KCNT2: variants seen among roughly 807,000 people sequenced by gnomAD.
KCNT2 encodes potassium sodium-activated channel subfamily T member 2, also known as potassium channel subfamily T member 2.
In KCNT2, 67 loss-of-function variants were observed where a neutral mutation model predicts 153.8. The observed-to-expected ratio is 0.44, with a 90% CI of 0.36 to 0.53. The LOEUF is 0.53. Among genes scored for constraint, KCNT2 ranks in the 20% least tolerant of loss-of-function variants. The pLI is 0.00. For synonymous variants in KCNT2, 500 were observed against 458.8 expected, an observed-to-expected ratio of 1.09 and a Z score of -1.15; for missense variants, 975 against 1,354.8, an observed-to-expected ratio of 0.72 and a Z score of 4.40.
chr1:196,375,916 T>C (rs981584748), intron 13 of KCNT2, among the ~76,000 whole-genome samples: 15 of 152,020 alleles, frequency 9.9e-5, no homozygotes, highest in African/African-American at 3.6e-4. Flanking sequence ...AAAGATATGA[T>C]ATAATATTCA....
intron 1 of KCNT2, among the ~76,000 whole-genome samples, chr1:196,601,518 A>T (rs1016849330): frequency 1.3e-5 from 2 of 152,198 alleles, no homozygotes; most frequent in Admixed American, 1.3e-4. Flanking sequence ...CAATGCTATT[A>T]AGGGTTTCTG....
intron 19 of KCNT2, among the ~76,000 whole-genome samples, chr1:196,326,186 A>G (rs920487934): frequency 6.6e-6 from 1 of 152,112 alleles, no homozygotes; most frequent in Non-Finnish European, 1.5e-5. Flanking sequence ...AAGTAAACCA[A>G]TCCAATATTT....
chr1:196,244,212 G>A (rs1655218425), intron 26 of KCNT2, among the ~76,000 whole-genome samples: 2 of 152,028 alleles, frequency 1.3e-5, no homozygotes, highest in African/African-American at 4.8e-5. Context: ...TACTTGCTGT[G>A]GGCCTTAAGT....
chr1:196,254,148 A>G (rs1235472742), intron 26 of KCNT2, among the ~76,000 whole-genome samples: 2 of 151,424 alleles, frequency 1.3e-5, no homozygotes, highest in East Asian at 1.9e-4. Context: ...TGAATGCTTT[A>G]TTGATTTATC....
intron 5 of KCNT2, among the ~76,000 whole-genome samples, chr1:196,476,928 C>G (rs947698917): frequency 2.0e-5 from 3 of 152,174 alleles, no homozygotes; most frequent in African/African-American, 7.2e-5. Flanking sequence ...AGGCAAATAG[C>G]AAATGACCTC....
At chr1:196,281,749 A>G (rs1440051589) in intron 24 of KCNT2, among the ~76,000 whole-genome samples, 1 of 151,738 alleles carries the variant, frequency 6.6e-6, no homozygotes, top group African/African-American at 2.4e-5. Flanking sequence ...ACAAAAAAAA[A>G]TTCATTCAAC....
At position 196,425,975 on chromosome 1, in the gene KCNT2, A is replaced by T. The variant is rs1343962288; in HGVS notation, c.998T>A (p.Val333Glu). The stretch of plus-strand genomic sequence containing the variant: ...ATCCATTTCAGTAGGACACAAAATC[A>T]CCACATAATAATCCTATTCAAAACA... The part of the protein sequence containing the change: ...AHPRLQDYYV[V>E]ILCPTEMDVQ... Residue 333 changes from valine to glutamate, a missense_variant, in exon 11 of 28, where the codon GTG (valine) becomes GAG (glutamate). Val to Glu is a moderately radical substitution (Grantham distance 121). Coordinates refer to ENST00000294725, the MANE Select transcript of KCNT2 (RefSeq NM_198503.5). 6.2e-7 allele frequency: 1 copy of T among 1,612,018 alleles called. No homozygotes were observed. The highest frequency in any genetic ancestry group is 8.5e-7 in the Non-Finnish European group (1 of 1,178,676).
At chr1:196,331,300 T>C in intron 17 of KCNT2, 39 bp from the exon 18 acceptor site, 2 of 1,044,664 alleles carry the variant, frequency 1.9e-6, no homozygotes, top group South Asian at 1.3e-5. Context: ...GGATAAGGCA[T>C]GCAAATTTGA....
chr1:196,228,136 A>G lies in KCNT2; in HGVS notation c.*88T>C. 1.4e-6 allele frequency: 1 copy of G among 693,732 alleles called. No individual in the cohort carries two copies. The highest frequency in any genetic ancestry group is 1.7e-5 in the South Asian group (1 of 57,304). The allele number at this position is 693,732 out of a possible 1,614,324, so 43.0% of individuals were successfully genotyped here. On this transcript the variant is annotated 3_prime_UTR_variant, in exon 28 of 28. Transcript: ENST00000294725. ...TTTTAAATATGAGAGAATTACATATATTTCCATCTAGTTTCTTTCGTGCCA... is the reference window on the plus strand; with the variant it reads ...TTTTAAATATGAGAGAATTACATATGTTTCCATCTAGTTTCTTTCGTGCCA...
At chr1:196,601,799 T>G (rs1004031404) in intron 1 of KCNT2, among the ~76,000 whole-genome samples, 1 of 152,338 alleles carries the variant, frequency 6.6e-6, no homozygotes, top group East Asian at 1.9e-4. Flanking sequence ...TGCATTTTTA[T>G]TCCTAAATAT....
chr1:196,446,224 G>A (rs1008944885), intron 8 of KCNT2, among the ~76,000 whole-genome samples: 1 of 151,216 alleles, frequency 6.6e-6, no homozygotes, highest in Non-Finnish European at 1.5e-5. Flanking sequence ...TTAAGCAAAA[G>A]ATAGATTTCT....
chr1:196,518,035 A>G (rs1411395268), intron 1 of KCNT2, among the ~76,000 whole-genome samples: 1 of 152,226 alleles, frequency 6.6e-6, no homozygotes, highest in Non-Finnish European at 1.5e-5. Context: ...TCACATACAT[A>G]GGAAACCCCA....
chr1:196,416,981 A>T (rs1459303728), intron 12 of KCNT2, among the ~76,000 whole-genome samples: 2 of 152,012 alleles, frequency 1.3e-5, no homozygotes, highest in Non-Finnish European at 2.9e-5. Flanking sequence ...CCATTAGTTC[A>T]ATTGCTTTGA....
chr1:196,575,226 G>C (rs1661215362), intron 1 of KCNT2, among the ~76,000 whole-genome samples: 1 of 152,002 alleles, frequency 6.6e-6, no homozygotes, highest in South Asian at 2.1e-4. Context: ...CACAATTATT[G>C]AACACTCTCT....
intron 8 of KCNT2, among the ~76,000 whole-genome samples, chr1:196,445,899 T>C (rs1388687002): frequency 6.7e-6 from 1 of 149,670 alleles, no homozygotes; most frequent in African/African-American, 2.5e-5. Flanking sequence ...GAATGGCCTC[T>C]TAGACCAAAA....
intron 2 of KCNT2, among the ~76,000 whole-genome samples, chr1:196,490,440 T>C (rs1679774336): frequency 6.8e-6 from 1 of 148,086 alleles, no homozygotes; most frequent in Admixed American, 6.8e-5. Flanking sequence ...TATATAATTA[T>C]AATACATTCC....
chr1:196,518,340 A>C (rs1652879246), intron 1 of KCNT2, among the ~76,000 whole-genome samples: 1 of 152,134 alleles, frequency 6.6e-6, no homozygotes, highest in Non-Finnish European at 1.5e-5. Context: ...GAAACTACAA[A>C]ACAACCACAC....
intron 14 of KCNT2, among the ~76,000 whole-genome samples, chr1:196,361,147 C>T (rs1038307859): frequency 1.5e-4 from 23 of 151,766 alleles, no homozygotes; most frequent in Non-Finnish European, 1.8e-4. Flanking sequence ...TTAAAAGAAC[C>T]GGTTGAGTTA....
At chr1:196,253,886 T>C (rs1005654879) in intron 26 of KCNT2, among the ~76,000 whole-genome samples, 1 of 151,562 alleles carries the variant, frequency 6.6e-6, no homozygotes, top group Non-Finnish European at 1.5e-5. Flanking sequence ...ATTGGCCTCT[T>C]TTTTCCTACA....
Sources: allele counts gnomAD v4.1 joint callset (sites outside exome capture counted in the v4.1 genomes callset), GRCh38; gene constraint gnomAD v4.1.1; transcripts MANE v1.5; gene names NCBI Gene and HGNC (gene_info 2026-07-23, HGNC 2026-07-21).